Variants in TK1 observed in about 807,000 individuals in gnomAD.
TK1 encodes thymidine kinase, cytosolic.
In TK1, 13 loss-of-function variants were observed where a neutral mutation model predicts 22.4. The observed-to-expected ratio is 0.58, with a 90% CI of 0.38 to 0.92. The LOEUF (loss-of-function observed/expected upper bound fraction) is 0.92, where lower values mean the gene tolerates loss of function less well. Among genes scored for constraint, TK1 ranks in the 40% least tolerant of loss-of-function variants. The pLI is 0.00. For missense variants in TK1, 251 were observed against 315.7 expected, an observed-to-expected ratio of 0.80 and a Z score of 1.55; for synonymous variants, 134 against 125.4, an observed-to-expected ratio of 1.07 and a Z score of -0.46.
chr17:78,176,465 G>A (rs553514991), intron 4 of TK1, among the ~76,000 whole-genome samples: 4 of 152,232 alleles, frequency 2.6e-5, no homozygotes, highest in Admixed American at 1.3e-4. Flanking sequence ...TTATTGAGAC[G>A]TGAGGGCTTA....
At chr17:78,180,807 C>A (rs537861599) in intron 4 of TK1, among the ~76,000 whole-genome samples, 2 of 152,234 alleles carry the variant, frequency 1.3e-5, no homozygotes, top group South Asian at 4.1e-4. Context: ...GGCACACCAG[C>A]TATAAAGCAG....
At chr17:78,175,203 C>A (rs371933767) in intron 5 of TK1, 34 bp from the exon 6 acceptor site, 10 of 1,571,358 alleles carry the variant, frequency 6.4e-6, no homozygotes, top group Admixed American at 2.1e-5. Flanking sequence ...GGGCGCTCAG[C>A]CACCTTACCA....
At chr17:78,182,345 T>C (rs1006451747) in intron 4 of TK1, among the ~76,000 whole-genome samples, 2 of 136,300 alleles carry the variant, frequency 1.5e-5, no homozygotes, top group African/African-American at 5.6e-5. Context: ...TACTCCGGCC[T>C]GGGCAACAAG....
chr17:78,182,753 G>A (rs974928524), intron 3 of TK1, 71 bp from the exon 4 acceptor site: 3 of 1,239,630 alleles, frequency 2.4e-6, no homozygotes, highest in African/African-American at 3.1e-5. Flanking sequence ...GCCAGGGAAT[G>A]GCACTGTCGT....
At position 78,185,124 on chromosome 17, in the gene TK1, T is replaced by C; in HGVS notation, c.140A>G (p.Gln47Arg). ...MRRVRRFQIA[Q>R]YKCLVIKYAK... ...ATACTTGATCACCAGGCACTTGTACTGAGCAATCTGGAAGCGACGGACGCG... is the reference window on the plus strand; with the variant it reads ...ATACTTGATCACCAGGCACTTGTACCGAGCAATCTGGAAGCGACGGACGCG... The change falls in exon 3 of 7, where the codon CAG (glutamine) becomes CGG (arginine). Residue 47 changes from glutamine to arginine, a missense_variant. Transcript: ENST00000301634. The C allele has an allele frequency of 6.2e-7, 1 of 1,611,588 alleles. No individual in the cohort carries two copies. Among genetic ancestry groups the C allele is most frequent in the Non-Finnish European group, 8.5e-7 (1 of 1,179,426 alleles).
chr17:78,178,032 G>A (rs1279985428), intron 4 of TK1, among the ~76,000 whole-genome samples: 1 of 152,030 alleles, frequency 6.6e-6, no homozygotes, highest in African/African-American at 2.4e-5. Context: ...CACCACGCTT[G>A]GCTAATTTTT....
chr17:78,179,610 C>A (rs960006871), intron 4 of TK1: 5 of 985,330 alleles, frequency 5.1e-6, no homozygotes, highest in Non-Finnish European at 1.2e-6. Context: ...TGGGCAAGAA[C>A]AGAACCAGGA....
At chr17:78,178,817 G>T (rs2075719234) in intron 4 of TK1, among the ~76,000 whole-genome samples, 1 of 152,136 alleles carries the variant, frequency 6.6e-6, no homozygotes, top group Non-Finnish European at 1.5e-5. Context: ...GCTAATTTTT[G>T]TATTTTTAGT....
At chr17:78,182,557 AG>A in intron 4 of TK1, 31 bp downstream of exon 4, 1 of 1,513,218 alleles carries the variant, frequency 6.6e-7, no homozygotes, top group South Asian at 1.2e-5. Context: ...GGAAGCTGGC[AG>A]GAAGAGTGAT....
chr17:78,183,781 G>A (rs1011906298), intron 3 of TK1: 1 of 152,248 alleles, frequency 6.6e-6, no homozygotes, highest in Non-Finnish European at 1.5e-5. Flanking sequence ...TCGAGTTCTG[G>A]AAAGAATGTG....
At chr17:78,187,203 G>A, upstream of TK1, 1 of 869,702 alleles carries the variant, frequency 1.1e-6, no homozygotes, top group Middle Eastern at 3.3e-4. Context: ...CGGGACGTGC[G>A]CCCAGGGACT....
intron 4 of TK1, among the ~76,000 whole-genome samples, chr17:78,176,283 GC>G (rs892374470): frequency 6.6e-6 from 1 of 151,032 alleles, no homozygotes; most frequent in Non-Finnish European, 1.5e-5. Context: ...TGAAACTCTG[GC>G]AAGTGCTCTG....
At chr17:78,175,703 C>A in intron 4 of TK1, 85 bp from the exon 5 acceptor site, 1 of 1,232,804 alleles carries the variant, frequency 8.1e-7, no homozygotes, top group Non-Finnish European at 1.2e-6. Flanking sequence ...GCTGCCAGAT[C>A]TGACAACTCC....
intron 3 of TK1, among the ~76,000 whole-genome samples, 194 bp downstream of exon 3, chr17:78,184,861 C>T (rs1448234901): frequency 6.6e-6 from 1 of 152,156 alleles, no homozygotes; most frequent in African/African-American, 2.4e-5. Flanking sequence ...CAAAATCACC[C>T]TCAGTGGAGA....
intron 2 of TK1, among the ~76,000 whole-genome samples, chr17:78,185,810 G>A (rs528480136): frequency 1.3e-5 from 2 of 152,262 alleles, no homozygotes; most frequent in East Asian, 1.9e-4. Flanking sequence ...GATTAAAGGC[G>A]TGGGCCACCA....
intron 3 of TK1, among the ~76,000 whole-genome samples, chr17:78,184,497 C>T (rs931082160): frequency 6.6e-6 from 1 of 152,194 alleles, no homozygotes; most frequent in Non-Finnish European, 1.5e-5. Context: ...GCGGAAATGT[C>T]CAGCGAGCTC....
chr17:78,180,011 T>G (rs895653463), intron 4 of TK1, among the ~76,000 whole-genome samples: 1 of 152,130 alleles, frequency 6.6e-6, no homozygotes, highest in Non-Finnish European at 1.5e-5. Context: ...ATGGAGGTTA[T>G]AGTGAGCCGA....
At chr17:78,177,220 T>C (rs975139257) in intron 4 of TK1, among the ~76,000 whole-genome samples, 1 of 152,200 alleles carries the variant, frequency 6.6e-6, no homozygotes, top group Non-Finnish European at 1.5e-5. Context: ...AAACTTATTA[T>C]AGATTGCATG....
At chr17:78,176,182 C>T (rs1265887687) in intron 4 of TK1, among the ~76,000 whole-genome samples, 1 of 152,064 alleles carries the variant, frequency 6.6e-6, no homozygotes, top group East Asian at 1.9e-4. Context: ...ATTTACAGAG[C>T]AGGATGACAC....
Sources: gnomAD v4.1 joint callset for allele counts (sites outside exome capture counted in the v4.1 genomes callset) on GRCh38, gnomAD v4.1.1 for gene constraint, MANE v1.5 for transcripts, NCBI Gene and HGNC (gene_info 2026-07-23, HGNC 2026-07-21) for gene names.